The following CACNA1H variants were observed in gnomAD, a reference collection of about 807,000 sequenced individuals.
The protein encoded by CACNA1H is calcium voltage-gated channel subunit alpha1 H.
In CACNA1H, 149 loss-of-function variants were observed where a neutral mutation model predicts 192.5. The observed-to-expected ratio is 0.77, with a 90% CI of 0.68 to 0.89. The LOEUF is 0.89. Ranked by LOEUF, CACNA1H falls within the 40% of genes least tolerant of loss-of-function variation. The probability of loss-of-function intolerance (pLI) is 0.00; values close to 1 mark genes in which losing one functional copy is unlikely to be tolerated. For missense variants in CACNA1H, 4,257 were observed against 3,423.5 expected (o/e 1.24, Z -6.08); for synonymous variants, 2,202 against 1,475.2 (o/e 1.49, Z -11.29).
At position 1,218,057 on chromosome 16, in the gene CACNA1H, T is replaced by C. The variant is rs1455671585; in HGVS notation, c.5445+17T>C. On this transcript the variant is annotated intron_variant, in intron 32 of 34. Coordinates refer to ENST00000348261, the MANE Select transcript of CACNA1H (RefSeq NM_021098.3). ...ATCATGAAGGTACCCGCCGCGGCCA[T>C]GCCTCTGGCACCTGGCAGCCCCAGC... The C allele has an allele frequency of 2.5e-6, 4 of 1,594,344 alleles. No homozygotes were observed. The South Asian group carries it at 3.4e-5, about 14-fold the overall frequency.
intron 9 of CACNA1H, among the ~76,000 whole-genome samples, chr16:1,203,126 G>T (rs1968190665): frequency 6.6e-6 from 1 of 152,190 alleles, no homozygotes; most frequent in Admixed American, 6.5e-5. Context: ...GTGCCGGGAT[G>T]CTGTGTGCCC....
chr16:1,195,357 C>T, intron 3 of CACNA1H, 75 bp from the exon 4 acceptor site: 1 of 1,501,214 alleles, frequency 6.7e-7, no homozygotes, highest in Non-Finnish European at 8.9e-7. Flanking sequence ...GGGCCGGGCT[C>T]TTGCGGGGCT....
chr16:1,202,202 G>C lies in CACNA1H; in HGVS notation c.1752G>C (p.Gly584=). 2 of 1,553,298 alleles carry C rather than the reference G, an allele frequency of 1.3e-6. No individual in the cohort carries two copies. The highest frequency in any genetic ancestry group is 1.7e-6 in the Non-Finnish European group (2 of 1,149,496). The change falls in exon 9 of 35, where the codon GGG becomes GGC. Residue 584 remains glycine, a synonymous_variant. Transcript: ENST00000348261. ...ACCATGCCGACTGCCACATAGAGGG[G>C]CCGCAGGAGAGGGCCCGGGTGGCAC... ...SIYHADCHIE[G]PQERARVAHA... is the part of the protein sequence containing the mutation.
At chr16:1,169,903 C>T (rs1372288312) in intron 2 of CACNA1H, among the ~76,000 whole-genome samples, 1 of 152,246 alleles carries the variant, frequency 6.6e-6, no homozygotes, top group Non-Finnish European at 1.5e-5. Flanking sequence ...CTGGGAAGCT[C>T]GGGTTTGGAG....
At chr16:1,190,139 T>TGCC (rs1966469255) in intron 2 of CACNA1H, among the ~76,000 whole-genome samples, 2 of 152,214 alleles carry the variant, frequency 1.3e-5, no homozygotes, top group Non-Finnish European at 2.9e-5. Flanking sequence ...ACTGCGCCAC[T>TGCC]GCCCGGCCCT....
Position 1,220,447 on chromosome 16 carries a change from G to T in CACNA1H, c.6515G>T (p.Gly2172Val), listed in dbSNP as rs756582534. The T allele has an allele frequency of 2.6e-6, 4 of 1,540,740 alleles. No homozygotes were observed. Among genetic ancestry groups the T allele is most frequent in the South Asian group, 2.6e-5 (2 of 78,326 alleles). Residue 2172 changes from glycine (G) to valine (V), a missense_variant, in exon 35 of 35, where the codon GGC (glycine) becomes GTC (valine). Physicochemically the swap from Gly to Val is moderately radical, Grantham distance 109. Transcript: ENST00000348261. ...GAGCCTGGGGAGGCGAAGGCCTGGGGCCCTGAGGCCGAGCCCGCTCTGGGT... is the reference window on the plus strand; with the variant it reads ...GAGCCTGGGGAGGCGAAGGCCTGGGTCCCTGAGGCCGAGCCCGCTCTGGGT... ...SGEPGEAKAW[G>V]PEAEPALGAR...
intron 30 of CACNA1H, 100 bp downstream of exon 30, chr16:1,215,693 C>A (rs1263154537): frequency 6.3e-6 from 6 of 952,316 alleles, no homozygotes; most frequent in Non-Finnish European, 6.4e-6. Context: ...TTTCTCTGGT[C>A]CCTCGGTTGT....
chr16:1,163,673 G>A (rs952798888), intron 2 of CACNA1H, among the ~76,000 whole-genome samples: 10 of 152,220 alleles, frequency 6.6e-5, no homozygotes, highest in African/African-American at 1.9e-4. Flanking sequence ...AACTTGTCCC[G>A]GGCTGCTGGG....
Position 1,153,929 on chromosome 16 carries a change from C to G in CACNA1H, c.192C>G (p.Ala64=), listed in dbSNP as rs934440398. 3 of 1,457,458 alleles carry G rather than the reference C, an allele frequency of 2.1e-6. No individual in the cohort carries two copies. Among genetic ancestry groups the G allele is most frequent in the South Asian group, 2.6e-5 (2 of 76,994 alleles). The allele number at this position is 1,457,458 out of a possible 1,614,324, so 90.3% of individuals were successfully genotyped here. A position where few individuals can be genotyped will look rare whatever the true frequency, so the allele number is the denominator to read the frequency against. Reference sequence around the variant, plus strand: ...CCGAGCGCGGCGCGGAGCTGGGTGCCGACGAGGAGCAGCGCGTCCCGTACC... The same window carrying G: ...CCGAGCGCGGCGCGGAGCTGGGTGCGGACGAGGAGCAGCGCGTCCCGTACC... ...PAAERGAELG[A]DEEQRVPYPA... The change falls in exon 2 of 35, where the codon GCC becomes GCG. Residue 64 remains alanine, a synonymous_variant. Coordinates refer to ENST00000348261, the MANE Select transcript of CACNA1H (RefSeq NM_021098.3).
intron 2 of CACNA1H, among the ~76,000 whole-genome samples, chr16:1,156,395 C>T (rs1469843448): frequency 2.6e-5 from 4 of 152,220 alleles, no homozygotes; most frequent in Non-Finnish European, 5.9e-5. Context: ...GTCCTGGCGT[C>T]AGAGAGAACC....
intron 2 of CACNA1H, among the ~76,000 whole-genome samples, chr16:1,160,537 C>T (rs1206093780): frequency 2.6e-5 from 4 of 152,178 alleles, no homozygotes; most frequent in South Asian, 2.1e-4. Context: ...GCACTGTGCC[C>T]GCCGAGGATG....
Position 1,213,785 on chromosome 16 carries a change from C to A in CACNA1H, c.4783C>A (p.Gln1595Lys). 6.4e-7 allele frequency: 1 copy of A among 1,556,438 alleles called. No individual in the cohort carries two copies. Among genetic ancestry groups the A allele is most frequent in the Admixed American group, 1.9e-5 (1 of 51,884 alleles). Residue 1595 changes from glutamine to lysine, a missense_variant, in exon 27 of 35, where the codon CAG becomes AAG. Coordinates refer to ENST00000348261, the MANE Select transcript of CACNA1H (RefSeq NM_021098.3). The stretch of plus-strand genomic sequence containing the variant: ...CATGGCCGCCCTCCCCGCAGAGGCC[C>A]AGCGCCGGCCCTACTATGCCGACTA... ...RRSTFPSPEA[Q>K]RRPYYADYSP...
Position 1,153,199 on chromosome 16 carries a change from G to T in CACNA1H, c.-290G>T, listed in dbSNP as rs995316703. The T allele has an allele frequency of 2.4e-4, 34 of 144,612 alleles. No individual in the cohort carries two copies. Among genetic ancestry groups the T allele is most frequent in the African/African-American group, 8.0e-4 (32 of 40,198 alleles). 9.0% of individuals were successfully genotyped at this position (144,612 alleles called of 1,614,324 possible). A position where few individuals can be genotyped will look rare whatever the true frequency, so the allele number is the denominator to read the frequency against. On this transcript the variant is annotated 5_prime_UTR_variant, in exon 1 of 35. Coordinates refer to ENST00000348261, the MANE Select transcript of CACNA1H (RefSeq NM_021098.3). Reference sequence around the variant, plus strand: ...CCGCGCCCCGCGCCCCGCGCCCCGCGCCCCGGCCTCACCCGTCCGCTCAGC... The same window carrying T: ...CCGCGCCCCGCGCCCCGCGCCCCGCTCCCCGGCCTCACCCGTCCGCTCAGC...
At chr16:1,175,681 C>A (rs138214654) in intron 2 of CACNA1H, among the ~76,000 whole-genome samples, 1 of 152,222 alleles carries the variant, frequency 6.6e-6, no homozygotes, top group South Asian at 2.1e-4. Context: ...CCGCAGATGC[C>A]GGAGGGAGGA....
chr16:1,194,436 C>A (rs1307595214), intron 2 of CACNA1H, among the ~76,000 whole-genome samples: 2 of 152,180 alleles, frequency 1.3e-5, no homozygotes, highest in Non-Finnish European at 2.9e-5. Flanking sequence ...GGGACAGGGG[C>A]CCTGGAAAGT....
chr16:1,178,825 T>C (rs963469109), intron 2 of CACNA1H, among the ~76,000 whole-genome samples: 8 of 151,984 alleles, frequency 5.3e-5, no homozygotes, highest in Non-Finnish European at 8.8e-5. Context: ...TGTGGCGGAG[T>C]GGCCGGGGCA....
intron 22 of CACNA1H, 66 bp from the exon 23 acceptor site, chr16:1,211,415 C>T: frequency 6.2e-7 from 1 of 1,608,844 alleles, no homozygotes; most frequent in Non-Finnish European, 8.5e-7. Flanking sequence ...CACTCGCGCC[C>T]CAGGAAGTCC....
intron 2 of CACNA1H, among the ~76,000 whole-genome samples, chr16:1,159,039 C>T (rs984833445): frequency 6.6e-6 from 1 of 152,248 alleles, no homozygotes. Flanking sequence ...GGCCCCTGTT[C>T]GCCTGCCTGA....
intron 2 of CACNA1H, among the ~76,000 whole-genome samples, chr16:1,190,481 C>T (rs1014738618): frequency 1.3e-5 from 2 of 152,288 alleles, no homozygotes; most frequent in Non-Finnish European, 2.9e-5. Context: ...TGTGGGACCT[C>T]GGCTGACTGC....
Sources: allele counts gnomAD v4.1 joint callset (sites outside exome capture counted in the v4.1 genomes callset), GRCh38; gene constraint gnomAD v4.1.1; transcripts MANE v1.5; gene names NCBI Gene and HGNC (gene_info 2026-07-23, HGNC 2026-07-21).